Variants in UPP2 observed in about 807,000 individuals in gnomAD.
UPP2 encodes UPase 2.
Under a neutral mutation model 26.7 loss-of-function variants are expected in UPP2, and 23 were observed. The observed-to-expected ratio is 0.86, with a 90% confidence interval of 0.62 to 1.22. UPP2 has a LOEUF of 1.22. Ranked by LOEUF, UPP2 falls within the 50% of genes most tolerant of loss-of-function variation. The probability of loss-of-function intolerance (pLI) is 0.00; values close to 1 mark genes in which losing one functional copy is unlikely to be tolerated. For synonymous variants in UPP2, 127 were observed against 141.3 expected, an observed-to-expected ratio of 0.90 and a Z score of 0.72; for missense variants, 387 against 396.7, an observed-to-expected ratio of 0.98 and a Z score of 0.21.
intron 2 of UPP2, among the ~76,000 whole-genome samples, chr2:157,995,698 A>AT (rs939467321): frequency 3.9e-5 from 6 of 152,092 alleles, no homozygotes; most frequent in Non-Finnish European, 7.4e-5. Context: ...GTCTTTCTGC[A>AT]TTTTTTTCAC....
At chr2:158,011,550 G>A (rs183216207) in intron 2 of UPP2, among the ~76,000 whole-genome samples, 1 of 152,196 alleles carries the variant, frequency 6.6e-6, no homozygotes, top group Non-Finnish European at 1.5e-5. Flanking sequence ...AATTGCAATG[G>A]TCAAGGGAGC....
chr2:158,034,204 A>G (rs1209438080), intron 3 of UPP2, among the ~76,000 whole-genome samples: 3 of 152,120 alleles, frequency 2.0e-5, no homozygotes, highest in Admixed American at 1.3e-4. Context: ...TCCTTCCTGC[A>G]TGCATTTTTA....
rs142924488 is a variant in UPP2, at chr2:158,113,499, C to T, written c.181-1602C>T. Among the ~76,000 whole-genome samples, 936 of 152,272 alleles carry T rather than the reference C, an allele frequency of 6.1e-3. 5 individuals carry two copies. The highest frequency in any genetic ancestry group is 0.027 in the Middle Eastern group (8 of 294). ...GTTCATTACTAGCTTAAGGCTTCAT[C>T]AGAGAAACTCATAAGAAGGCAGAGA... On this transcript the variant is annotated intron_variant, in intron 2 of 6. Transcript: ENST00000005756.
intron 3 of UPP2, among the ~76,000 whole-genome samples, chr2:158,052,728 G>A (rs936224545): frequency 3.3e-5 from 5 of 152,154 alleles, no homozygotes; most frequent in East Asian, 1.9e-4. Flanking sequence ...CTTCACTGTC[G>A]TCATCATCAT....
chr2:158,119,962 GATCACCCCA>G (rs1683528071), intron 4 of UPP2, among the ~76,000 whole-genome samples: 1 of 149,552 alleles, frequency 6.7e-6, no homozygotes, highest in Non-Finnish European at 1.5e-5. Context: ...AGTGAGCTGA[GATCACCCCA>G]CTACATTACA....
At chr2:158,046,224 C>T (rs763620693) in intron 3 of UPP2, among the ~76,000 whole-genome samples, 25 of 152,174 alleles carry the variant, frequency 1.6e-4, no homozygotes, top group Non-Finnish European at 3.7e-4. Context: ...TATATTTTGT[C>T]TGCATAGTGG....
chr2:157,998,690 T>C (rs905862698), intron 2 of UPP2, among the ~76,000 whole-genome samples: 5 of 152,064 alleles, frequency 3.3e-5, no homozygotes, highest in African/African-American at 9.7e-5. Flanking sequence ...TAATCCCAGC[T>C]ACTCAGGGAA....
At chr2:158,118,214 T>C (rs947690580) in intron 4 of UPP2, among the ~76,000 whole-genome samples, 1 of 151,770 alleles carries the variant, frequency 6.6e-6, no homozygotes, top group African/African-American at 2.4e-5. Context: ...TGTTAGAAGA[T>C]ATGTTTTGAG....
chr2:158,041,678 T>C (rs952538597), intron 3 of UPP2, among the ~76,000 whole-genome samples: 2 of 152,216 alleles, frequency 1.3e-5, no homozygotes, highest in African/African-American at 2.4e-5. Context: ...ACAGCATAAG[T>C]GGAAACTTAT....
chr2:158,025,908 G>A (rs1683826172), intron 3 of UPP2, among the ~76,000 whole-genome samples: 1 of 152,202 alleles, frequency 6.6e-6, no homozygotes, highest in Non-Finnish European at 1.5e-5. Flanking sequence ...ACATGGGAAA[G>A]TTGGCCTCAC....
intron 2 of UPP2, among the ~76,000 whole-genome samples, chr2:158,005,361 G>A (rs1167879452): frequency 1.3e-5 from 2 of 152,222 alleles, no homozygotes; most frequent in African/African-American, 4.8e-5. Context: ...AAACTGAAAT[G>A]TTTAAGCAGG....
chr2:158,091,281 T>C (rs1052644399), intron 3 of UPP2, among the ~76,000 whole-genome samples: 2 of 152,148 alleles, frequency 1.3e-5, no homozygotes, highest in African/African-American at 2.4e-5. Context: ...ATTGAAATTA[T>C]AGGTAAAATG....
chr2:158,069,498 G>T (rs1286959094), intron 3 of UPP2, among the ~76,000 whole-genome samples: 1 of 152,216 alleles, frequency 6.6e-6, no homozygotes, highest in Non-Finnish European at 1.5e-5. Context: ...TACAGTAGGG[G>T]TGACTCCTTA....
At position 157,995,534 on chromosome 2, in the gene UPP2, G is replaced by T. The variant is rs562372163; in HGVS notation, c.61+275G>T. Among the ~76,000 whole-genome samples, 8 of 152,094 alleles carry T rather than the reference G, an allele frequency of 5.3e-5. No homozygotes were observed. The South Asian group carries it at 1.5e-3, about 28-fold the overall frequency. ...ATGCTATGTGAACAGCCCTACACTG[G>T]TGCCTTATTTTCAATCACCTTTTTA... On this transcript the variant is annotated intron_variant, in intron 2 of 9. Transcript: ENST00000605860.
intron 6 of UPP2, among the ~76,000 whole-genome samples, chr2:158,131,886 CACT>C (rs937029595): frequency 6.6e-6 from 1 of 152,188 alleles, no homozygotes; most frequent in Non-Finnish European, 1.5e-5. Context: ...AAGAAAACAC[CACT>C]GAGATTGCTA....
intron 3 of UPP2, among the ~76,000 whole-genome samples, chr2:158,052,774 T>C (rs541327656): frequency 5.2e-4 from 79 of 152,348 alleles, no homozygotes; most frequent in African/African-American, 1.8e-3. Context: ...AACTGGTAAA[T>C]GTTTTCTGTA....
intron 2 of UPP2, among the ~76,000 whole-genome samples, chr2:157,996,539 G>A (rs187509801): frequency 1.6e-3 from 249 of 152,104 alleles, no homozygotes; most frequent in African/African-American, 5.5e-3. Flanking sequence ...AAATTATTCC[G>A]GCTAATTATA....
Position 158,105,996 on chromosome 2 carries a change from C to T in UPP2, c.63-103C>T, listed in dbSNP as rs994613355. The T allele has an allele frequency of 4.5e-5, 39 of 857,458 alleles. No individual in the cohort carries two copies. In the Admixed American group the frequency reaches 1.1e-3, roughly 25 times the overall value. The allele number at this position is 857,458 out of a possible 1,614,324, so 53.1% of individuals were successfully genotyped here. ...ACTGTTATACTACATTGCTTCTCAA[C>T]AAATAATTTAACCCTAAAGGAAGGT... On this transcript the variant is annotated intron_variant, in intron 1 of 6. Transcript: ENST00000005756.
At chr2:158,006,051 C>T (rs1171502706) in intron 2 of UPP2, among the ~76,000 whole-genome samples, 1 of 152,208 alleles carries the variant, frequency 6.6e-6, no homozygotes, top group East Asian at 1.9e-4. Flanking sequence ...TTCCCCTTTA[C>T]CCAAGTCTGG....
Sources: gnomAD v4.1 joint callset for allele counts (sites outside exome capture counted in the v4.1 genomes callset) on GRCh38, gnomAD v4.1.1 for gene constraint, MANE v1.5 for transcripts, NCBI Gene and HGNC (gene_info 2026-07-23, HGNC 2026-07-21) for gene names.